PSD3: variants seen among roughly 807,000 people sequenced by gnomAD.
The protein encoded by PSD3 is pleckstrin and Sec7 domain containing 3.
PSD3 carries 49 observed loss-of-function variants against 105.5 expected under a neutral mutation model. The ratio of observed to expected loss-of-function variants is 0.46; its 90% CI spans 0.37 to 0.59. PSD3 has a LOEUF of 0.59. Among genes scored for constraint, PSD3 ranks in the 20% least tolerant of loss-of-function variants. The pLI is 0.00. For synonymous variants in PSD3, 557 were observed against 457.8 expected (o/e 1.22, Z -2.77); for missense variants, 1,561 against 1,263.8 (o/e 1.24, Z -3.57).
At chr8:18,624,860 C>A (rs1429002832) in intron 11 of PSD3, among the ~76,000 whole-genome samples, 1 of 151,428 alleles carries the variant, frequency 6.6e-6, no homozygotes, top group Non-Finnish European at 1.5e-5. Flanking sequence ...TTATACATAT[C>A]AATTTTTTTT....
intron 2 of PSD3, among the ~76,000 whole-genome samples, chr8:18,921,737 G>A (rs1265776584): frequency 1.3e-5 from 2 of 152,196 alleles, no homozygotes; most frequent in Admixed American, 1.3e-4. Context: ...AAAGTATAAA[G>A]TCATACACTA....
intron 11 of PSD3, among the ~76,000 whole-genome samples, chr8:18,603,786 G>A (rs183167433): frequency 1.4e-4 from 21 of 152,264 alleles, no homozygotes; most frequent in Middle Eastern, 3.4e-3. Context: ...TTAAAAGTGT[G>A]TAGCACCTCG....
chr8:18,991,018 C>G (rs762631401), intron 1 of PSD3, among the ~76,000 whole-genome samples: 2 of 152,088 alleles, frequency 1.3e-5, no homozygotes, highest in East Asian at 1.9e-4. Flanking sequence ...GATACTTCAG[C>G]CCCAGGAAAG....
intron 9 of PSD3, among the ~76,000 whole-genome samples, chr8:18,668,638 C>G (rs139370334): frequency 2.2e-4 from 34 of 152,322 alleles, no homozygotes; most frequent in African/African-American, 7.9e-4. Context: ...CTGCTTTTAA[C>G]TGCCCTAATC....
At chr8:18,842,249 C>A (rs1814687650) in intron 4 of PSD3, among the ~76,000 whole-genome samples, 1 of 152,216 alleles carries the variant, frequency 6.6e-6, no homozygotes, top group Non-Finnish European at 1.5e-5. Flanking sequence ...ATGTGAATTC[C>A]CATAAACCCA....
At chr8:18,876,905 C>A (rs1817767583) in intron 2 of PSD3, among the ~76,000 whole-genome samples, 1 of 152,158 alleles carries the variant, frequency 6.6e-6, no homozygotes, top group Non-Finnish European at 1.5e-5. Context: ...CACTGTGATT[C>A]TCATTTGCAT....
intron 9 of PSD3, among the ~76,000 whole-genome samples, chr8:18,726,128 T>G (rs1416752179): frequency 1.3e-5 from 2 of 152,246 alleles, no homozygotes; most frequent in African/African-American, 4.8e-5. Flanking sequence ...GGTTCTCTCC[T>G]GCCTTGTCCA....
At chr8:18,587,832 A>T (rs1803304012) in intron 12 of PSD3, among the ~76,000 whole-genome samples, 2 of 152,226 alleles carry the variant, frequency 1.3e-5, no homozygotes, top group Non-Finnish European at 1.5e-5. Flanking sequence ...CTGATGTGAT[A>T]AATAGCTTTG....
Position 18,899,670 on chromosome 8 carries a change from T to C in PSD3, c.131-26937A>G, listed in dbSNP as rs530504449. On this transcript the variant is annotated intron_variant, in intron 2 of 15. Transcript: ENST00000327040. ...GGGTGGCTAAGGGTATTGTCCTATA[T>C]CAAAAGAACTTTAAAAGGCAGTCCC... is the stretch of plus-strand genomic sequence containing the variant. 3.3e-5 allele frequency among the ~76,000 whole-genome samples: 5 copies of C among 152,180 alleles called. No homozygotes were observed. The South Asian group carries it at 1.0e-3, about 32-fold the overall frequency.
intron 12 of PSD3, among the ~76,000 whole-genome samples, chr8:18,595,229 A>ACAATC (rs71217388): frequency 6.7e-6 from 1 of 149,222 alleles, no homozygotes; most frequent in Non-Finnish European, 1.5e-5. Context: ...AAACAAACAA[A>ACAATC]AAAAACCCTA....
chr8:18,556,740 G>C (rs1801098567), intron 14 of PSD3, among the ~76,000 whole-genome samples: 1 of 152,184 alleles, frequency 6.6e-6, no homozygotes, highest in Non-Finnish European at 1.5e-5. Flanking sequence ...TGCCCACTCA[G>C]CAATGCTGCC....
chr8:18,713,054 T>C (rs1167066059), intron 9 of PSD3, among the ~76,000 whole-genome samples: 1 of 152,172 alleles, frequency 6.6e-6, no homozygotes, highest in Non-Finnish European at 1.5e-5. Flanking sequence ...TCTCGATAGA[T>C]ACCAAAAAGA....
chr8:18,805,524 G>A (rs1279134504), intron 4 of PSD3, among the ~76,000 whole-genome samples: 2 of 152,120 alleles, frequency 1.3e-5, no homozygotes, highest in African/African-American at 4.8e-5. Flanking sequence ...ACACCAAAGT[G>A]AGACAAGTGG....
intron 1 of PSD3, among the ~76,000 whole-genome samples, chr8:19,043,524 A>G (rs946159622): frequency 1.3e-5 from 2 of 152,194 alleles, no homozygotes; most frequent in Admixed American, 1.3e-4. Context: ...GGGAAATAAC[A>G]TGACCACATA....
At chr8:19,058,908 G>A (rs537043194) in intron 1 of PSD3, among the ~76,000 whole-genome samples, 1 of 152,298 alleles carries the variant, frequency 6.6e-6, no homozygotes, top group Non-Finnish European at 1.5e-5. Flanking sequence ...TGTGACCCAG[G>A]TGAGGTTAAT....
intron 4 of PSD3, among the ~76,000 whole-genome samples, chr8:18,820,597 G>T (rs568282272): frequency 6.6e-6 from 1 of 151,954 alleles, no homozygotes; most frequent in Admixed American, 6.6e-5. Context: ...ATTGTTTGGG[G>T]AATAATGACA....
rs888976186 is a variant in PSD3 at position 18,627,557 on chromosome 8, TGAA to T, written c.2410+5053_2410+5055del. The stretch of plus-strand genomic sequence containing the variant: ...AATACATGCCATATTGGAAAGAGGC[TGAA>T]GAAGAACAAGAATGCCTTATTAATG... On this transcript the variant is annotated intron_variant, in intron 11 of 15. Transcript: ENST00000327040. Among the ~76,000 whole-genome samples, 5 of 152,172 alleles carry T rather than the reference TGAA, an allele frequency of 3.3e-5. No homozygotes were observed. The South Asian group carries it at 1.0e-3, about 32-fold the overall frequency.
At chr8:18,710,714 C>A (rs1802200425) in intron 9 of PSD3, among the ~76,000 whole-genome samples, 1 of 151,940 alleles carries the variant, frequency 6.6e-6, no homozygotes, top group Non-Finnish European at 1.5e-5. Context: ...TGGAGTCTCT[C>A]TCTGTCGCCA....
chr8:18,712,386 CA>C (rs1172511665), intron 9 of PSD3, among the ~76,000 whole-genome samples: 1 of 150,158 alleles, frequency 6.7e-6, no homozygotes, highest in East Asian at 1.9e-4. Flanking sequence ...CTAGCTAGAA[CA>C]ATAAAGAAGA....
Sources: gnomAD v4.1 joint callset for allele counts (sites outside exome capture counted in the v4.1 genomes callset) on GRCh38, gnomAD v4.1.1 for gene constraint, MANE v1.5 for transcripts, NCBI Gene and HGNC (gene_info 2026-07-23, HGNC 2026-07-21) for gene names.